The following HNRNPM variants were observed in gnomAD, a reference collection of about 807,000 sequenced individuals.
The protein encoded by HNRNPM is heterogeneous nuclear ribonucleoprotein M, also known as CEA receptor.
Under a neutral mutation model 73.1 loss-of-function variants are expected in HNRNPM, and 11 were observed. That is an observed-to-expected ratio of 0.15 (90% CI 0.09 to 0.25). The LOEUF (loss-of-function observed/expected upper bound fraction) is 0.25, where lower values mean the gene tolerates loss of function less well. Among genes scored for constraint, HNRNPM ranks in the 10% least tolerant of loss-of-function variants. The pLI is 1.00. For synonymous variants in HNRNPM, 407 were observed against 355.2 expected, an observed-to-expected ratio of 1.15 and a Z score of -1.64; for missense variants, 789 against 1,067.9, an observed-to-expected ratio of 0.74 and a Z score of 3.64.
chr19:8,445,151 TCTCCGCGGC>T, intron 1 of HNRNPM, 40 bp downstream of exon 1: 3 of 1,347,132 alleles, frequency 2.2e-6, no homozygotes, highest in African/African-American at 1.5e-5. Flanking sequence ...TAAGGGTTCC[TCTCCGCGGC>T]CGACGCGGGC....
At chr19:8,472,063 CAA>C (rs901071499) in intron 10 of HNRNPM, among the ~76,000 whole-genome samples, 4 of 151,006 alleles carry the variant, frequency 2.6e-5, no homozygotes, top group African/African-American at 9.7e-5. Flanking sequence ...CCCAGTTACT[CAA>C]GAGGCTGAGG....
chr19:8,451,384 G>GTATA (rs1426767167), intron 1 of HNRNPM, among the ~76,000 whole-genome samples: 1 of 152,082 alleles, frequency 6.6e-6, no homozygotes, highest in Admixed American at 6.6e-5. Flanking sequence ...TTATATGTAC[G>GTATA]TATACATATA....
chr19:8,488,962 T>C lies in HNRNPM; in HGVS notation c.*108T>C. On this transcript the variant is annotated 3_prime_UTR_variant, in exon 16 of 16. Transcript: ENST00000325495. ...GTATAAAGATGTTTAAAAAATTCAG[T>C]TGCTTTTTGGGGTAATTTGAATTAC... is the stretch of plus-strand genomic sequence containing the variant. 1 of 1,068,024 alleles carries C rather than the reference T, an allele frequency of 9.4e-7. No individual in the cohort carries two copies. The highest frequency in any genetic ancestry group is 1.3e-6 in the Non-Finnish European group (1 of 746,778). The allele number at this position is 1,068,024 out of a possible 1,614,324, so 66.2% of individuals were successfully genotyped here.
chr19:8,466,628 C>T (rs529695106), intron 7 of HNRNPM, among the ~76,000 whole-genome samples: 1 of 152,020 alleles, frequency 6.6e-6, no homozygotes, highest in African/African-American at 2.4e-5. Flanking sequence ...AGTTCGAGAC[C>T]AGCCTGGCCA....
At chr19:8,445,271 G>C in intron 1 of HNRNPM, 160 bp downstream of exon 1, 3 of 569,578 alleles carry the variant, frequency 5.3e-6, no homozygotes, top group Non-Finnish European at 8.1e-6. Context: ...AGGGCCGTGA[G>C]CGGGGAGCCG....
chr19:8,475,725 T>A (rs1568289404), intron 12 of HNRNPM, among the ~76,000 whole-genome samples: 1 of 152,166 alleles, frequency 6.6e-6, no homozygotes, highest in Non-Finnish European at 1.5e-5. Context: ...TGCATGGGAT[T>A]TTAATTTTTA....
In HNRNPM at chr19:8,474,059, G is replaced by T; in HGVS notation, c.1043-108G>T. The T allele has an allele frequency of 8.7e-6, 7 of 805,254 alleles. No individual in the cohort carries two copies. The South Asian group carries it at 1.4e-4, about 17-fold the overall frequency. The allele number at this position is 805,254 out of a possible 1,614,324, so 49.9% of individuals were successfully genotyped here. A position where few individuals can be genotyped will look rare whatever the true frequency, so the allele number is the denominator to read the frequency against. On this transcript the variant is annotated intron_variant, in intron 11 of 15. Coordinates refer to ENST00000325495, the MANE Select transcript of HNRNPM (RefSeq NM_005968.5). ...TTTCAAAAGCCTTTAAACTTGGTAA[G>T]TTCTTGGCAGAAGATACCCCAGTTG...
In HNRNPM at chr19:8,468,800, TTTC is replaced by T. The variant is rs777217674; in HGVS notation, c.865_867del (p.Phe289del). 20 of 1,613,922 alleles carry T rather than the reference TTTC, an allele frequency of 1.2e-5. No individual in the cohort carries two copies. Among genetic ancestry groups the T allele is most frequent in the Non-Finnish European group, 1.6e-5 (19 of 1,179,796 alleles). ...ATGAGAGGGCCTTACCAAAAGGAGA[TTTC>T]TTCCCTCCTGAGCGTCCACAACAAC... On this transcript the variant is annotated inframe_deletion, in exon 9 of 16. Transcript: ENST00000325495.
At chr19:8,471,153 G>A (rs1347903167) in intron 9 of HNRNPM, among the ~76,000 whole-genome samples, 173 bp from the exon 10 acceptor site, 1 of 150,892 alleles carries the variant, frequency 6.6e-6, no homozygotes, top group Non-Finnish European at 1.5e-5. Context: ...CCGGAACAAG[G>A]CTCTGTTTCC....
At chr19:8,461,546 T>A (rs1568270926) in intron 2 of HNRNPM, among the ~76,000 whole-genome samples, 1 of 152,194 alleles carries the variant, frequency 6.6e-6, no homozygotes, top group African/African-American at 2.4e-5. Flanking sequence ...ATTTTGGTGG[T>A]TGTCTTGATG....
intron 1 of HNRNPM, among the ~76,000 whole-genome samples, chr19:8,448,545 A>G (rs938818604): frequency 6.8e-6 from 1 of 146,208 alleles, no homozygotes; most frequent in African/African-American, 2.5e-5. Context: ...ATCTCAGCTC[A>G]CTGCAAGCTC....
intron 1 of HNRNPM, among the ~76,000 whole-genome samples, chr19:8,451,976 G>T (rs1444882848): frequency 6.6e-6 from 1 of 152,192 alleles, no homozygotes; most frequent in African/African-American, 2.4e-5. Flanking sequence ...TCTCTTTACT[G>T]AGGAAACCTC....
intron 2 of HNRNPM, among the ~76,000 whole-genome samples, chr19:8,456,542 G>A (rs1016312051): frequency 6.6e-6 from 1 of 152,184 alleles, no homozygotes; most frequent in African/African-American, 2.4e-5. Flanking sequence ...TTGGTTTTCT[G>A]GAGCATTCAT....
At position 8,450,727 on chromosome 19, in the gene HNRNPM, A is replaced by ATTATT. The variant is rs1555697585; in HGVS notation, c.114-4676_114-4675insATTTT. On this transcript the variant is annotated intron_variant, in intron 1 of 15. Coordinates refer to ENST00000325495, the MANE Select transcript of HNRNPM (RefSeq NM_005968.5). Reference sequence around the variant, plus strand: ...AATTTAATTAATTATTATTATTATTATTTTTTTTTTTTTTGAGATGGAGTT... The same window carrying ATTATT: ...AATTTAATTAATTATTATTATTATTATTATTTTTTTTTTTTTTTTGAGATGGAGTT... Among the ~76,000 whole-genome samples, 282 of 125,378 alleles carry ATTATT rather than the reference A, an allele frequency of 2.2e-3. 3 individuals carry two copies. Among genetic ancestry groups the ATTATT allele is most frequent in the African/African-American group, 7.3e-3 (274 of 37,640 alleles). The allele number at this position is 125,378 out of a possible 152,430, so 82.3% of individuals were successfully genotyped here. A position where few individuals can be genotyped will look rare whatever the true frequency, so the allele number is the denominator to read the frequency against.
Position 8,444,988 on chromosome 19 carries a change from A to C in HNRNPM, c.-11A>C. 2 of 1,404,154 alleles carry C rather than the reference A, an allele frequency of 1.4e-6. No individual in the cohort carries two copies. The highest frequency in any genetic ancestry group is 1.9e-6 in the Non-Finnish European group (2 of 1,079,274). The allele number at this position is 1,404,154 out of a possible 1,614,324, so 87.0% of individuals were successfully genotyped here. On this transcript the variant is annotated 5_prime_UTR_variant, in exon 1 of 16. Coordinates refer to ENST00000325495, the MANE Select transcript of HNRNPM (RefSeq NM_005968.5). ...GCCCGTTCGCTCACACAAAGCCCAGACGCGGAGAAAATGGCGGCAGGGGTC... is the reference window on the plus strand; with the variant it reads ...GCCCGTTCGCTCACACAAAGCCCAGCCGCGGAGAAAATGGCGGCAGGGGTC...
Position 8,461,178 on chromosome 19 carries a change from C to G in HNRNPM, c.284-1351C>G, listed in dbSNP as rs576536630. Reference sequence around the variant, plus strand: ...AGGAGAGGACAAAGAGGGTGAGGCTCTAGATGTAAACTTTGGACACTTGGC... The same window carrying G: ...AGGAGAGGACAAAGAGGGTGAGGCTGTAGATGTAAACTTTGGACACTTGGC... On this transcript the variant is annotated intron_variant, in intron 2 of 15. Coordinates refer to ENST00000325495, the MANE Select transcript of HNRNPM (RefSeq NM_005968.5). 5.8e-4 allele frequency among the ~76,000 whole-genome samples: 89 copies of G among 152,328 alleles called. No homozygotes were observed. In the South Asian group the frequency reaches 0.017, roughly 29 times the overall value.
rs757319373 is a variant in HNRNPM, at chr19:8,455,510, C to T, written c.219C>T (p.Ala73=). 21 of 1,613,906 alleles carry T rather than the reference C, an allele frequency of 1.3e-5. No individual in the cohort carries two copies. The East Asian group carries it at 3.3e-4, about 26-fold the overall frequency. Residue 73 remains alanine, a synonymous_variant, in exon 2 of 16, where the codon GCC becomes GCT. Transcript: ENST00000325495. The stretch of plus-strand genomic sequence containing the variant: ...CCAATCCAACTAAAAGATACAGAGC[C>T]TTCATTACAAACATACCTTTTGATG... ...PYANPTKRYR[A]FITNIPFDVK...
intron 12 of HNRNPM, among the ~76,000 whole-genome samples, chr19:8,474,738 AG>A (rs1970386529): frequency 6.9e-6 from 1 of 144,936 alleles, no homozygotes; most frequent in Admixed American, 6.9e-5. Flanking sequence ...TTTTTGAGAC[AG>A]GGTCTCACTC....
At chr19:8,450,510 A>G (rs1369248482) in intron 1 of HNRNPM, among the ~76,000 whole-genome samples, 1 of 151,774 alleles carries the variant, frequency 6.6e-6, no homozygotes, top group African/African-American at 2.4e-5. Context: ...CCTGGGCTCA[A>G]GCGATCCTTC....
Sources: gnomAD v4.1 joint callset for allele counts (sites outside exome capture counted in the v4.1 genomes callset) on GRCh38, gnomAD v4.1.1 for gene constraint, MANE v1.5 for transcripts, NCBI Gene and HGNC (gene_info 2026-07-23, HGNC 2026-07-21) for gene names.